Variants in GNB1 observed in about 807,000 individuals in gnomAD.
GNB1 encodes the protein G protein subunit beta 1, also known as guanine nucleotide-binding protein G(I)/G(S)/G(T) subunit beta-1.
A neutral mutation model predicts 42.9 loss-of-function variants in GNB1; 2 were observed. The ratio of observed to expected loss-of-function variants is 0.05; its 90% CI spans 0.02 to 0.15. The LOEUF is 0.15. Ranked by LOEUF, GNB1 falls within the 10% of genes least tolerant of loss-of-function variation. The pLI is 1.00. For synonymous variants in GNB1, 183 were observed against 174.7 expected, an observed-to-expected ratio of 1.05 and a Z score of -0.38; for missense variants, 193 against 462.2, an observed-to-expected ratio of 0.42 and a Z score of 5.34.
At chr1:1,837,917 G>A (rs990258272) in intron 2 of GNB1, among the ~76,000 whole-genome samples, 6 of 151,266 alleles carry the variant, frequency 4.0e-5, no homozygotes, top group Non-Finnish European at 8.8e-5. Flanking sequence ...ATATCCAATT[G>A]ACTAACCAGG....
intron 1 of GNB1, among the ~76,000 whole-genome samples, chr1:1,890,141 C>G (rs1478710075): frequency 6.6e-6 from 1 of 152,058 alleles, no homozygotes; most frequent in African/African-American, 2.4e-5. Context: ...CAGCGCCGGA[C>G]AGACCCGGGC....
intron 1 of GNB1, among the ~76,000 whole-genome samples, chr1:1,841,346 T>C (rs1365738431): frequency 6.6e-6 from 1 of 152,118 alleles, no homozygotes; most frequent in Non-Finnish European, 1.5e-5. Flanking sequence ...ACGCCATGCC[T>C]TTTATTATTT....
At chr1:1,794,985 G>A (rs930371914) in intron 7 of GNB1, among the ~76,000 whole-genome samples, 2 of 152,290 alleles carry the variant, frequency 1.3e-5, no homozygotes, top group African/African-American at 2.4e-5. Flanking sequence ...ACCATGCCTG[G>A]CCAACAAACA....
At chr1:1,856,344 C>T (rs978395764) in intron 1 of GNB1, among the ~76,000 whole-genome samples, 2 of 152,042 alleles carry the variant, frequency 1.3e-5, no homozygotes, top group African/African-American at 4.8e-5. Context: ...GGCAGATCTC[C>T]AACTCCTGGG....
intron 3 of GNB1, 154 bp downstream of exon 3, chr1:1,825,243 T>C (rs1163629907): frequency 3.0e-6 from 2 of 658,776 alleles, no homozygotes; most frequent in Non-Finnish European, 5.5e-6. Flanking sequence ...AGGCTAAGTA[T>C]CTAGATCTAT....
chr1:1,843,182 T>C (rs1296521062), intron 1 of GNB1, among the ~76,000 whole-genome samples: 1 of 152,300 alleles, frequency 6.6e-6, no homozygotes, highest in Non-Finnish European at 1.5e-5. Context: ...AGAGAAATAC[T>C]ACTAAAAAAA....
chr1:1,845,794 C>G (rs1398883836), intron 1 of GNB1, among the ~76,000 whole-genome samples: 1 of 141,750 alleles, frequency 7.1e-6, no homozygotes, highest in Non-Finnish European at 1.5e-5. Context: ...TACATTTATT[C>G]CGCTGTAGAA....
At position 1,810,449 on chromosome 1, in the gene GNB1, T is replaced by C. The variant is rs12039351; in HGVS notation, c.204-3911A>G. 1.5e-3 allele frequency among the ~76,000 whole-genome samples: 231 copies of C among 149,830 alleles called. 5 individuals are homozygous for C. In the East Asian group the frequency reaches 0.041, roughly 27 times the overall value. The stretch of plus-strand genomic sequence containing the variant: ...TACTCAGGAGGCTGAGGCAGGAGGA[T>C]TGCTTGAGCACAGCAGTTCAAGGCT... On this transcript the variant is annotated intron_variant, in intron 5 of 11. Transcript: ENST00000378609.
rs566126401 is a variant in GNB1 at position 1,842,257 on chromosome 1, C to T, written c.-95-3019G>A. Among the ~76,000 whole-genome samples, 34 of 152,266 alleles carry T rather than the reference C, an allele frequency of 2.2e-4. No individual in the cohort carries two copies. The South Asian group carries it at 3.7e-3, about 17-fold the overall frequency. The stretch of plus-strand genomic sequence containing the variant: ...CATCCTGGCTAACACGGTGAAACCC[C>T]ATCTCTACTAAAAATACAAAAAATT... On this transcript the variant is annotated intron_variant, in intron 1 of 11. Coordinates refer to ENST00000378609, the MANE Select transcript of GNB1 (RefSeq NM_002074.5).
intron 7 of GNB1, among the ~76,000 whole-genome samples, chr1:1,799,745 G>T (rs979313849): frequency 3.3e-5 from 5 of 152,224 alleles, no homozygotes; most frequent in Non-Finnish European, 5.9e-5. Context: ...TTCTTAAGGA[G>T]CTTTCTCTGA....
chr1:1,860,095 C>T (rs961774258), intron 1 of GNB1, among the ~76,000 whole-genome samples: 3 of 151,946 alleles, frequency 2.0e-5, no homozygotes, highest in African/African-American at 7.3e-5. Context: ...AAAATAGCAA[C>T]CATAAAAAGG....
In GNB1 at chr1:1,864,965, A is replaced by G. The variant is rs1648842967; in HGVS notation, c.-95-25727T>C. On this transcript the variant is annotated intron_variant, in intron 1 of 11. Transcript: ENST00000378609. The stretch of plus-strand genomic sequence containing the variant: ...AGTATTGCTATCTAACATCTGTTAT[A>G]AAAACTACCAGGCCAGGCCAGGCGT... 4.6e-5 allele frequency among the ~76,000 whole-genome samples: 7 copies of G among 152,186 alleles called. No individual in the cohort carries two copies. The South Asian group carries it at 1.2e-3, about 27-fold the overall frequency.
At chr1:1,862,405 C>T (rs58775734) in intron 1 of GNB1, among the ~76,000 whole-genome samples, 2,090 of 152,168 alleles carry the variant, frequency 0.014, 43 homozygotes, top group African/African-American at 0.048. Flanking sequence ...CTTCTCCCCA[C>T]ACTGAGTGAG....
intron 7 of GNB1, among the ~76,000 whole-genome samples, chr1:1,797,530 C>A (rs12034740): frequency 0.4 from 61,138 of 151,822 alleles, 14,457 homozygotes; most frequent in Admixed American, 0.55. Context: ...CCTCCGCCAC[C>A]CCGGTTCAGC....
Position 1,787,231 on chromosome 1 carries a change from T to TTATCTAGAAACCG in GNB1, c.*9+78_*9+90dup. ...TTCCAAATCAATGCTACATCAACAT[T>TTATCTAGAAACCG]TATCTAGAAACCGTTAATGACAACT... On this transcript the variant is annotated intron_variant, in intron 11 of 11. Coordinates refer to ENST00000378609, the MANE Select transcript of GNB1 (RefSeq NM_002074.5). This position sits in a 1 kb window ranked among gnomAD's most constrained non-coding sequence, Gnocchi z 4.4. 2.7e-6 allele frequency: 2 copies of TTATCTAGAAACCG among 740,562 alleles called. No individual in the cohort carries two copies. Among genetic ancestry groups the TTATCTAGAAACCG allele is most frequent in the Non-Finnish European group, 4.7e-6 (2 of 427,180 alleles). 45.9% of individuals were successfully genotyped at this position (740,562 alleles called of 1,614,324 possible).
chr1:1,858,860 T>TA (rs1373261785), intron 1 of GNB1, among the ~76,000 whole-genome samples: 4 of 152,028 alleles, frequency 2.6e-5, no homozygotes, highest in Non-Finnish European at 4.4e-5. Context: ...GCTGCTGTGA[T>TA]AAAAAAGCAA....
At position 1,787,396 on chromosome 1, in the gene GNB1, C is replaced by T. The variant is rs754236544; in HGVS notation, c.958G>A (p.Val320Met). The T allele has an allele frequency of 3.1e-6, 5 of 1,613,764 alleles. No homozygotes were observed. Among genetic ancestry groups the T allele is most frequent in the East Asian group, 2.2e-5 (1 of 44,878 alleles). Residue 320 changes from valine (V) to methionine (M), a missense_variant, in exon 11 of 12, where the codon GTG becomes ATG. By Grantham distance (21) the Val-to-Met change is conservative (BLOSUM62 1). Transcript: ENST00000378609. The surrounding 1 kb of genome is among the most constrained non-coding windows in gnomAD (Gnocchi z 4.4). ...GHDNRVSCLG[V>M]TDDGMAVATG... ...GCCACAGCCATGCCATCGTCAGTCA[C>T]GCCCAGGCAGCTGACGCGGTTGTCA...
At chr1:1,869,690 C>T (rs1053947938) in intron 1 of GNB1, among the ~76,000 whole-genome samples, 2 of 152,114 alleles carry the variant, frequency 1.3e-5, no homozygotes, top group East Asian at 3.8e-4. Context: ...ACCCAACTAC[C>T]CTCAAACTGC....
chr1:1,838,452 T>C (rs2101157815), intron 2 of GNB1, among the ~76,000 whole-genome samples: 1 of 151,092 alleles, frequency 6.6e-6, no homozygotes, highest in South Asian at 2.1e-4. Flanking sequence ...TTCTTTTCTT[T>C]TTTTTTTTTT....
Sources: gnomAD v4.1 joint callset for allele counts (sites outside exome capture counted in the v4.1 genomes callset) on GRCh38, gnomAD v4.1.1 for gene constraint, Gnocchi (gnomAD v3.1) non-coding constraint, MANE v1.5 for transcripts, NCBI Gene and HGNC (gene_info 2026-07-23, HGNC 2026-07-21) for gene names.